The following CLPB variants were observed in gnomAD, a reference collection of about 807,000 sequenced individuals.
The protein encoded by CLPB is ClpB family mitochondrial disaggregase.
A neutral mutation model predicts 78.4 loss-of-function variants in CLPB; 40 were observed. That is an observed-to-expected ratio of 0.51 (90% CI 0.40 to 0.66). The LOEUF (loss-of-function observed/expected upper bound fraction) is 0.66. Among genes scored for constraint, CLPB ranks in the 30% least tolerant of loss-of-function variants. CLPB has a pLI of 0.00. For synonymous variants in CLPB, 333 were observed against 348.0 expected, an observed-to-expected ratio of 0.96 and a Z score of 0.48; for missense variants, 780 against 886.9, an observed-to-expected ratio of 0.88 and a Z score of 1.53.
intron 3 of CLPB, among the ~76,000 whole-genome samples, chr11:72,390,986 C>G (rs1173519869): frequency 1.3e-5 from 2 of 152,134 alleles, no homozygotes; most frequent in Non-Finnish European, 2.9e-5. Context: ...TAGTTAGAAG[C>G]AACAGGCTGG....
intron 5 of CLPB, among the ~76,000 whole-genome samples, chr11:72,350,262 A>G (rs747534000): frequency 2.9e-5 from 4 of 139,830 alleles, no homozygotes; most frequent in Non-Finnish European, 6.0e-5. Flanking sequence ...CCACTCCCCA[A>G]AATTGGACTA....
chr11:72,433,664 G>C (rs1397819316), intron 1 of CLPB, among the ~76,000 whole-genome samples: 1 of 152,102 alleles, frequency 6.6e-6, no homozygotes, highest in Non-Finnish European at 1.5e-5. Context: ...GGGGGGTAGG[G>C]GGGAGCGGTT....
intron 6 of CLPB, among the ~76,000 whole-genome samples, chr11:72,318,353 T>G (rs1212596187): frequency 6.6e-6 from 1 of 152,058 alleles, no homozygotes; most frequent in Admixed American, 6.5e-5. Flanking sequence ...GGAGGAAGAC[T>G]GGGCCAGGAG....
chr11:72,401,677 G>A (rs770378426), intron 3 of CLPB, among the ~76,000 whole-genome samples: 1 of 152,100 alleles, frequency 6.6e-6, no homozygotes, highest in Non-Finnish European at 1.5e-5. Context: ...TTCACAGGTG[G>A]CCAGTACACC....
At chr11:72,302,490 T>C (rs1175601365) in intron 9 of CLPB, 142 bp from the exon 10 acceptor site, 2 of 727,962 alleles carry the variant, frequency 2.7e-6, no homozygotes, top group Non-Finnish European at 4.9e-6. Flanking sequence ...CAAGATGTTT[T>C]TTTCTGACTT....
At chr11:72,321,090 A>ATG (rs1950036135) in intron 6 of CLPB, among the ~76,000 whole-genome samples, 1 of 151,918 alleles carries the variant, frequency 6.6e-6, no homozygotes, top group African/African-American at 2.4e-5. Context: ...TGAGATATAT[A>ATG]TATATATTCT....
intron 5 of CLPB, among the ~76,000 whole-genome samples, chr11:72,358,079 G>C (rs1950754987): frequency 6.6e-6 from 1 of 152,224 alleles, no homozygotes; most frequent in African/African-American, 2.4e-5. Context: ...GGGGAAGTGG[G>C]AAAGAAAGTG....
rs112280511 is a variant in CLPB at position 72,353,931 on chromosome 11, A to ATT, written c.775+4947_775+4948dup. On this transcript the variant is annotated intron_variant, in intron 5 of 15. Transcript: ENST00000538039. ...AGTTAAAAGCATTAGTATGGTTAGA[A>ATT]TTTTTTTTTAAACGAGTGAGCACTG... Among the ~76,000 whole-genome samples, 4 of 151,748 alleles carry ATT rather than the reference A, an allele frequency of 2.6e-5. No individual in the cohort carries two copies. The East Asian group carries it at 7.7e-4, about 29-fold the overall frequency.
At chr11:72,376,968 C>T (rs1317365426) in intron 4 of CLPB, among the ~76,000 whole-genome samples, 1 of 152,132 alleles carries the variant, frequency 6.6e-6, no homozygotes, top group African/African-American at 2.4e-5. Context: ...CAGTGCCCAG[C>T]GTTTTATAAC....
At chr11:72,296,627 A>C (rs984608963) in intron 11 of CLPB, among the ~76,000 whole-genome samples, 1 of 152,236 alleles carries the variant, frequency 6.6e-6, no homozygotes, top group Non-Finnish European at 1.5e-5. Flanking sequence ...TAGAGTGACA[A>C]TGCCGAACAC....
intron 2 of CLPB, among the ~76,000 whole-genome samples, chr11:72,421,067 G>C (rs1856182967): frequency 1.3e-5 from 2 of 152,218 alleles, no homozygotes; most frequent in South Asian, 4.1e-4. Flanking sequence ...ATGGTGCCCT[G>C]CATTTGCATA....
At chr11:72,343,495 A>G (rs1367651242) in intron 5 of CLPB, among the ~76,000 whole-genome samples, 1 of 152,212 alleles carries the variant, frequency 6.6e-6, no homozygotes, top group African/African-American at 2.4e-5. Flanking sequence ...CTTTTTAAAA[A>G]AACCAGAAGC....
chr11:72,395,719 G>A lies in CLPB; in HGVS notation c.542+7247C>T, dbSNP rs1279361416. 5.3e-5 allele frequency among the ~76,000 whole-genome samples: 8 copies of A among 152,198 alleles called. No homozygotes were observed. The East Asian group carries it at 1.5e-3, about 29-fold the overall frequency. On this transcript the variant is annotated intron_variant, in intron 3 of 15. Coordinates refer to ENST00000538039, the MANE Select transcript of CLPB (RefSeq NM_001258392.3). ...AAGCCAGACCAAGAATAGGTTAGAA[G>A]ACGGAAAAGGCTCTGTGCCCCTAAG...
Position 72,288,813 on chromosome 11 carries a change from G to A in CLPB, c.*4554C>T, listed in dbSNP as rs1338000982. 1 of 152,240 alleles carries A rather than the reference G, an allele frequency of 6.6e-6. No homozygotes were observed. The highest frequency in any genetic ancestry group is 1.5e-5 in the Non-Finnish European group (1 of 68,066). 9.4% of individuals were successfully genotyped at this position (152,240 alleles called of 1,614,324 possible). ...AGTAGGACAAGTGAGCTGAGCCTGGGATGCTATGGAAGTAAAAGATATGGG... is the reference window on the plus strand; with the variant it reads ...AGTAGGACAAGTGAGCTGAGCCTGGAATGCTATGGAAGTAAAAGATATGGG... On this transcript the variant is annotated 3_prime_UTR_variant, in exon 16 of 16. Transcript: ENST00000538039.
Position 72,289,571 on chromosome 11 carries a change from A to G in CLPB, c.*3796T>C, listed in dbSNP as rs1010835653. The G allele has an allele frequency of 3.3e-5, 5 of 152,128 alleles. No individual in the cohort carries two copies. The highest frequency in any genetic ancestry group is 1.2e-4 in the African/African-American group (5 of 41,436). The allele number at this position is 152,128 out of a possible 1,614,324, so 9.4% of individuals were successfully genotyped here. On this transcript the variant is annotated 3_prime_UTR_variant, in exon 16 of 16. Coordinates refer to ENST00000538039, the MANE Select transcript of CLPB (RefSeq NM_001258392.3). ...AACCGTATCTAAACTCATGATTTTTATTTATTTTTAAAAATATGAAACGGA... is the reference window on the plus strand; with the variant it reads ...AACCGTATCTAAACTCATGATTTTTGTTTATTTTTAAAAATATGAAACGGA...
intron 6 of CLPB, among the ~76,000 whole-genome samples, chr11:72,323,126 T>C (rs1444611592): frequency 2.0e-5 from 3 of 152,196 alleles, no homozygotes; most frequent in Admixed American, 6.5e-5. Context: ...TTAATGCTTC[T>C]AGTAAAGGGC....
rs191554208 is a variant in CLPB at position 72,344,530 on chromosome 11, T to A, written c.775+14350A>T. On this transcript the variant is annotated intron_variant, in intron 5 of 15. Transcript: ENST00000538039. Reference sequence around the variant, plus strand: ...TGCCTGGCCTTCTTTTCTACCTTGATTTCCATGATATGCAATATCCATGAC... The same window carrying A: ...TGCCTGGCCTTCTTTTCTACCTTGAATTCCATGATATGCAATATCCATGAC... Among the ~76,000 whole-genome samples, 151 of 152,268 alleles carry A rather than the reference T, an allele frequency of 9.9e-4. 1 individual carries two copies. The Middle Eastern group carries it at 0.024, about 24-fold the overall frequency.
intron 4 of CLPB, among the ~76,000 whole-genome samples, chr11:72,363,967 T>C (rs1950891543): frequency 6.6e-6 from 1 of 152,204 alleles, no homozygotes; most frequent in Admixed American, 6.5e-5. Context: ...TGCTGAGGCA[T>C]CACAGCACCA....
intron 2 of CLPB, among the ~76,000 whole-genome samples, chr11:72,403,395 T>G (rs1855620776): frequency 6.6e-6 from 1 of 152,190 alleles, no homozygotes; most frequent in Non-Finnish European, 1.5e-5. Context: ...ACTCTGACAC[T>G]GTCACTCCCT....
Sources: gnomAD v4.1 joint callset for allele counts (sites outside exome capture counted in the v4.1 genomes callset) on GRCh38, gnomAD v4.1.1 for gene constraint, MANE v1.5 for transcripts, NCBI Gene and HGNC (gene_info 2026-07-23, HGNC 2026-07-21) for gene names.